The following MLPH variants were observed in gnomAD, a reference collection of about 807,000 sequenced individuals.
MLPH encodes the protein exophilin-3.
A neutral mutation model predicts 72.1 loss-of-function variants in MLPH; 51 were observed. The ratio of observed to expected loss-of-function variants is 0.71; its 90% CI spans 0.56 to 0.89. MLPH has a LOEUF of 0.89. MLPH is among the 40% of genes least tolerant of loss of function. The pLI is 0.00. For missense variants in MLPH, 743 were observed against 759.9 expected (o/e 0.98, Z 0.26); for synonymous variants, 301 against 310.1 (o/e 0.97, Z 0.31).
At chr2:237,496,003 G>A (rs1004510742) in intron 2 of MLPH, among the ~76,000 whole-genome samples, 5 of 152,058 alleles carry the variant, frequency 3.3e-5, no homozygotes, top group African/African-American at 4.8e-5. Context: ...TTCTCTCTAC[G>A]TAAACTCAAA....
intron 8 of MLPH, among the ~76,000 whole-genome samples, chr2:237,533,396 T>TTC (rs930379783): frequency 7.2e-6 from 1 of 139,834 alleles, no homozygotes; most frequent in African/African-American, 2.6e-5. Context: ...TTTTCTTTTT[T>TTC]TTTTTTTTTT....
At chr2:237,529,030 G>A (rs1180765806) in intron 8 of MLPH, among the ~76,000 whole-genome samples, 1 of 152,042 alleles carries the variant, frequency 6.6e-6, no homozygotes, top group African/African-American at 2.4e-5. Context: ...TATGTGAAAC[G>A]CTTAGCAGGC....
intron 10 of MLPH, 132 bp downstream of exon 10, chr2:237,540,665 C>CA: frequency 6.7e-7 from 1 of 1,496,858 alleles, no homozygotes; most frequent in South Asian, 1.2e-5. Flanking sequence ...TTGATGGGGT[C>CA]TGCAGCGGGT....
intron 4 of MLPH, chr2:237,517,948 T>C (rs1024275669): frequency 5.3e-6 from 1 of 188,246 alleles, no homozygotes; most frequent in Non-Finnish European, 1.1e-5. Flanking sequence ...AGTAGGTAGA[T>C]GGATAGATGG....
intron 4 of MLPH, 194 bp from the exon 5 acceptor site, chr2:237,518,344 TA>T: frequency 5.9e-6 from 4 of 676,934 alleles, no homozygotes; most frequent in Middle Eastern, 3.3e-4. Context: ...GATTGATAAA[TA>T]GGGGGATGGG....
At chr2:237,515,049 C>T (rs1177453593) in intron 4 of MLPH, among the ~76,000 whole-genome samples, 1 of 152,202 alleles carries the variant, frequency 6.6e-6, no homozygotes, top group South Asian at 2.1e-4. Flanking sequence ...CTATTTCTAT[C>T]TCTGTATTAT....
chr2:237,533,039 C>T (rs2106357197), intron 8 of MLPH, among the ~76,000 whole-genome samples: 1 of 152,332 alleles, frequency 6.6e-6, no homozygotes. Context: ...GCTGATGGTG[C>T]CTTTGATCAC....
At chr2:237,529,987 C>A (rs67760028) in intron 8 of MLPH, among the ~76,000 whole-genome samples, 23,478 of 152,240 alleles carry the variant, frequency 0.15, 2,032 homozygotes, top group South Asian at 0.31. Context: ...AGCGAGGACG[C>A]AGGTGGTGCA....
chr2:237,528,602 T>C (rs12471805), intron 8 of MLPH, among the ~76,000 whole-genome samples: 18,602 of 152,104 alleles, frequency 0.12, 1,395 homozygotes, highest in South Asian at 0.29. Context: ...CCCCCCACCT[T>C]GGCCTCCCAA....
chr2:237,493,261 C>G, intron 1 of MLPH, 142 bp from the exon 2 acceptor site: 1 of 637,932 alleles, frequency 1.6e-6, no homozygotes, highest in Non-Finnish European at 2.9e-6. Context: ...AGTTTCCAGA[C>G]AAGCATTAGA....
rs1355610570 is a variant in MLPH, at chr2:237,497,165, A to G, written c.110+3629A>G. 7.2e-5 allele frequency among the ~76,000 whole-genome samples: 11 copies of G among 152,294 alleles called. 1 individual carries two copies. Among genetic ancestry groups the G allele is most frequent in the Non-Finnish European group, 2.9e-5 (2 of 68,030 alleles). ...ACTATGGGAGCTCTATGAGTATCTA[A>G]CGCTGCCGCTGACCTGGCAGGAGGC... On this transcript the variant is annotated intron_variant, in intron 2 of 15. Coordinates refer to ENST00000264605, the MANE Select transcript of MLPH (RefSeq NM_024101.7).
Position 237,503,391 on chromosome 2 carries a change from T to C in MLPH, c.111-7183T>C, listed in dbSNP as rs371312707. ...CTCTTCATCTTTTTTATCGTCATCTTGGTCTTCCCCTTTAGAGGATCTCCA... is the reference window on the plus strand; with the variant it reads ...CTCTTCATCTTTTTTATCGTCATCTCGGTCTTCCCCTTTAGAGGATCTCCA... On this transcript the variant is annotated intron_variant, in intron 2 of 15. Coordinates refer to ENST00000264605, the MANE Select transcript of MLPH (RefSeq NM_024101.7). Among the ~76,000 whole-genome samples, 20 of 152,326 alleles carry C rather than the reference T, an allele frequency of 1.3e-4. No homozygotes were observed. In the East Asian group the frequency reaches 2.3e-3, roughly 18 times the overall value.
intron 2 of MLPH, among the ~76,000 whole-genome samples, chr2:237,509,867 G>A (rs2079853332): frequency 6.6e-6 from 1 of 152,118 alleles, no homozygotes; most frequent in Non-Finnish European, 1.5e-5. Flanking sequence ...GGCACCTAGT[G>A]TCCTTCTTGT....
chr2:237,500,565 G>A (rs1231781524), intron 2 of MLPH, among the ~76,000 whole-genome samples: 1 of 152,162 alleles, frequency 6.6e-6, no homozygotes, highest in East Asian at 1.9e-4. Context: ...ACCCACATCA[G>A]AGACACATCC....
chr2:237,553,789 T>C lies in MLPH; in HGVS notation c.*197T>C. The C allele has an allele frequency of 1.3e-6, 1 of 783,368 alleles. No individual in the cohort carries two copies. The highest frequency in any genetic ancestry group is 2.3e-6 in the Non-Finnish European group (1 of 436,440). 48.5% of individuals were successfully genotyped at this position (783,368 alleles called of 1,614,324 possible). A position where few individuals can be genotyped will look rare whatever the true frequency, so the allele number is the denominator to read the frequency against. ...TCCTGCACTGCTCACCTGGGTTTAC[T>C]GATGACTCCTGGCTGCCCCACCATC... On this transcript the variant is annotated 3_prime_UTR_variant, in exon 16 of 16. Coordinates refer to ENST00000264605, the MANE Select transcript of MLPH (RefSeq NM_024101.7).
chr2:237,511,219 CAT>C (rs2079895696), intron 4 of MLPH, 118 bp downstream of exon 4: 5 of 749,372 alleles, frequency 6.7e-6, no homozygotes, highest in African/African-American at 3.5e-5. Context: ...TGTGTGTGCA[CAT>C]GTGTGTGCAT....
chr2:237,497,256 C>A (rs141318977), intron 2 of MLPH, among the ~76,000 whole-genome samples: 64 of 152,352 alleles, frequency 4.2e-4, no homozygotes, highest in South Asian at 8.3e-4. Context: ...CGGTTCCTCA[C>A]AGGCCAGGGA....
At chr2:237,509,853 C>A (rs1010438917) in intron 2 of MLPH, among the ~76,000 whole-genome samples, 1 of 152,188 alleles carries the variant, frequency 6.6e-6, no homozygotes, top group Non-Finnish European at 1.5e-5. Context: ...TCTCAGAAGA[C>A]AATGGCACCT....
At chr2:237,515,038 A>G (rs78091963) in intron 4 of MLPH, among the ~76,000 whole-genome samples, 2,722 of 152,294 alleles carry the variant, frequency 0.018, 36 homozygotes, top group Middle Eastern at 0.037. Context: ...CAACTGGTTG[A>G]CTATTTCTAT....
Sources: gnomAD v4.1 joint callset for allele counts (sites outside exome capture counted in the v4.1 genomes callset) on GRCh38, gnomAD v4.1.1 for gene constraint, MANE v1.5 for transcripts, NCBI Gene and HGNC (gene_info 2026-07-23, HGNC 2026-07-21) for gene names.